Variants in SIPA1L1 observed in about 807,000 individuals in gnomAD.
SIPA1L1 encodes signal induced proliferation associated 1 like 1, also known as signal-induced proliferation-associated 1-like protein 1.
SIPA1L1 carries 26 observed loss-of-function variants against 162.7 expected under a neutral mutation model. The observed-to-expected ratio is 0.16, with a 90% CI of 0.12 to 0.22. The LOEUF (loss-of-function observed/expected upper bound fraction) is 0.22. Ranked by LOEUF, SIPA1L1 falls within the 10% of genes least tolerant of loss-of-function variation. The pLI, the probability that SIPA1L1 is intolerant of heterozygous loss-of-function variation, is 1.00. For missense variants in SIPA1L1, 1,874 were observed against 2,241.0 expected (o/e 0.84, Z 3.31); for synonymous variants, 829 against 837.4 (o/e 0.99, Z 0.17).
intron 2 of SIPA1L1, among the ~76,000 whole-genome samples, chr14:71,502,328 T>G (rs1205109326): frequency 6.8e-6 from 1 of 148,084 alleles, no homozygotes; most frequent in Admixed American, 6.8e-5. Context: ...AACCTCCGCC[T>G]CCAGGGTTTA....
intron 5 of SIPA1L1, among the ~76,000 whole-genome samples, chr14:71,603,970 G>GATATATTTAT (rs1010926762): frequency 0.01 from 1,446 of 142,838 alleles, 28 homozygotes; most frequent in African/African-American, 0.036. Flanking sequence ...TTTATATATA[G>GATATATTTAT]ATATATTTAT....
intron 3 of SIPA1L1, among the ~76,000 whole-genome samples, chr14:71,524,066 C>G (rs890952548): frequency 6.6e-6 from 1 of 152,218 alleles, no homozygotes; most frequent in African/African-American, 2.4e-5. Flanking sequence ...CCCTTAGGCT[C>G]TCTCAGAGGA....
chr14:71,458,465 A>G lies in SIPA1L1; in HGVS notation c.-464-54278A>G, dbSNP rs114073730. 3.5e-3 allele frequency among the ~76,000 whole-genome samples: 534 copies of G among 152,304 alleles called. 4 individuals carry two copies. Among genetic ancestry groups the G allele is most frequent in the African/African-American group, 0.012 (510 of 41,556 alleles). On this transcript the variant is annotated intron_variant, in intron 2 of 23. Coordinates refer to ENST00000381232, the MANE Select transcript of SIPA1L1 (RefSeq NM_001386936.1). Reference sequence around the variant, plus strand: ...TCAGAGTAACAAAAATGTTGTTATTAACAAATGAATGTTCTTTTAGTAACA... The same window carrying G: ...TCAGAGTAACAAAAATGTTGTTATTGACAAATGAATGTTCTTTTAGTAACA...
intron 8 of SIPA1L1, among the ~76,000 whole-genome samples, chr14:71,652,060 G>A (rs1398954918): frequency 4.0e-5 from 6 of 151,862 alleles, no homozygotes; most frequent in Non-Finnish European, 8.8e-5. Flanking sequence ...TTCCTGAGAA[G>A]GATTCAAAGA....
In SIPA1L1 at chr14:71,685,547, A is replaced by G. The variant is rs1358022606; in HGVS notation, c.3290A>G (p.Lys1097Arg). The part of the protein sequence containing the change: ...SPMTSRLNAG[K>R]GDGKMPPPER... ...ATGACCTCGCGGCTGAATGCTGGAA[A>G]AGGAGATGGGAAGATGCCTCCTCCA... The change falls in exon 13 of 24, where the codon AAA becomes AGA. Residue 1097 changes from lysine (K) to arginine (R), a missense_variant. This residue lies in a region of SIPA1L1 where 936 missense variants were observed against 1,051.9 expected (regional missense o/e 0.89). Coordinates refer to ENST00000381232, the MANE Select transcript of SIPA1L1 (RefSeq NM_001386936.1). 6.2e-7 allele frequency: 1 copy of G among 1,614,210 alleles called. No homozygotes were observed. Among genetic ancestry groups the G allele is most frequent in the South Asian group, 1.1e-5 (1 of 91,082 alleles).
intron 2 of SIPA1L1, among the ~76,000 whole-genome samples, chr14:71,431,606 A>G (rs2140965737): frequency 6.6e-6 from 1 of 152,170 alleles, no homozygotes; most frequent in South Asian, 2.1e-4. Flanking sequence ...AGGTGGGAGG[A>G]TTGCTTGAGT....
intron 2 of SIPA1L1, among the ~76,000 whole-genome samples, chr14:71,484,392 G>GTAAT (rs1463918117): frequency 2.7e-5 from 4 of 148,470 alleles, no homozygotes; most frequent in Non-Finnish European, 5.9e-5. Flanking sequence ...AACCCTTTAA[G>GTAAT]TAATTAGCAT....
At chr14:71,424,821 A>G (rs2043445256) in intron 2 of SIPA1L1, among the ~76,000 whole-genome samples, 1 of 152,064 alleles carries the variant, frequency 6.6e-6, no homozygotes, top group Admixed American at 6.5e-5. Context: ...AATTATATGG[A>G]AATTTGAGAG....
intron 7 of SIPA1L1, among the ~76,000 whole-genome samples, chr14:71,628,199 T>A (rs2040224662): frequency 6.6e-6 from 1 of 152,236 alleles, no homozygotes; most frequent in South Asian, 2.1e-4. Flanking sequence ...TTTTAAATAA[T>A]GTAGAAAATT....
intron 2 of SIPA1L1, among the ~76,000 whole-genome samples, chr14:71,433,303 G>A (rs1221085103): frequency 6.6e-6 from 1 of 152,156 alleles, no homozygotes; most frequent in Non-Finnish European, 1.5e-5. Flanking sequence ...GGAGTTTGAA[G>A]GTAGACTCTT....
chr14:71,388,053 A>G (rs1231538039), intron 2 of SIPA1L1, among the ~76,000 whole-genome samples: 33 of 152,272 alleles, frequency 2.2e-4, no homozygotes, highest in Admixed American at 1.3e-4. Context: ...AGTGCACAGC[A>G]CATACTTCAT....
At chr14:71,658,203 C>T (rs1027309485) in intron 8 of SIPA1L1, 130 bp from the exon 9 acceptor site, 23 of 601,358 alleles carry the variant, frequency 3.8e-5, no homozygotes, top group Non-Finnish European at 6.1e-5. Flanking sequence ...GGAAGAACAC[C>T]TGTCTTGTCT....
chr14:71,529,042 G>C (rs545805629), intron 3 of SIPA1L1, among the ~76,000 whole-genome samples: 2 of 152,186 alleles, frequency 1.3e-5, no homozygotes, highest in East Asian at 3.9e-4. Flanking sequence ...AACCTGGGAG[G>C]TGGAGGTTGT....
intron 2 of SIPA1L1, among the ~76,000 whole-genome samples, chr14:71,457,236 G>A (rs2046248509): frequency 6.6e-6 from 1 of 151,868 alleles, no homozygotes; most frequent in African/African-American, 2.4e-5. Context: ...GAAATTGTCA[G>A]CATCTGCTTT....
intron 2 of SIPA1L1, among the ~76,000 whole-genome samples, chr14:71,389,219 G>A (rs1009472112): frequency 6.6e-6 from 1 of 152,192 alleles, no homozygotes; most frequent in Non-Finnish European, 1.5e-5. Context: ...CCTAGGAGAT[G>A]GGTAGGTAAT....
intron 2 of SIPA1L1, among the ~76,000 whole-genome samples, chr14:71,365,907 T>TCTTTTTG (rs71105773): frequency 1.4e-5 from 2 of 140,088 alleles, no homozygotes; most frequent in Admixed American, 1.5e-4. Context: ...TTTTTTTTTT[T>TCTTTTTG]AAGAGATGGG....
intron 7 of SIPA1L1, among the ~76,000 whole-genome samples, chr14:71,631,967 T>G (rs2040618591): frequency 6.6e-6 from 1 of 152,354 alleles, no homozygotes; most frequent in South Asian, 2.1e-4. Context: ...ATTTTTTTTG[T>G]TTTATTTTAA....
chr14:71,665,749 A>G (rs2043941465), intron 10 of SIPA1L1, among the ~76,000 whole-genome samples: 5 of 152,188 alleles, frequency 3.3e-5, no homozygotes, highest in Admixed American at 3.3e-4. Flanking sequence ...CCCCCAGAGG[A>G]TGCCCGAAAC....
intron 2 of SIPA1L1, among the ~76,000 whole-genome samples, chr14:71,387,556 T>C (rs2040436775): frequency 6.6e-6 from 1 of 152,218 alleles, no homozygotes; most frequent in Admixed American, 6.5e-5. Flanking sequence ...GTGTGGCTTC[T>C]GTAGGTGTTT....
Sources: allele counts gnomAD v4.1 joint callset (sites outside exome capture counted in the v4.1 genomes callset), GRCh38; gene constraint gnomAD v4.1.1; regional missense constraint gnomAD v4.1.1; transcripts MANE v1.5; gene names NCBI Gene and HGNC (gene_info 2026-07-23, HGNC 2026-07-21).